GSTA5: variants seen among roughly 807,000 people sequenced by gnomAD.
GSTA5 encodes glutathione S-transferase A5.
A neutral mutation model predicts 21.8 loss-of-function variants in GSTA5; 25 were observed. The ratio of observed to expected loss-of-function variants is 1.14; its 90% CI spans 0.83 to 1.60. The LOEUF (loss-of-function observed/expected upper bound fraction) is 1.60. Among genes scored for constraint, GSTA5 ranks in the 40% most tolerant of loss-of-function variants. GSTA5 has a pLI of 0.00. For missense variants in GSTA5, 330 were observed against 259.2 expected (o/e 1.27, Z -1.88); for synonymous variants, 102 against 89.5 (o/e 1.14, Z -0.78).
Position 52,832,841 on chromosome 6 carries a change from G to T in GSTA5, c.546+18C>A, listed in dbSNP as rs770921807. 2 of 1,613,604 alleles carry T rather than the reference G, an allele frequency of 1.2e-6. No individual in the cohort carries two copies. The highest frequency in any genetic ancestry group is 3.3e-5 in the Admixed American group (2 of 59,998). On this transcript the variant is annotated intron_variant, in intron 5 of 5. Transcript: ENST00000370989. ...TAAGAGATGTGGGGCTGTCTCTCTG[G>T]GCTGTGAAATGGGTCACCTTCAGCA...
exon 3 of GSTA5, chr6:52,836,343 T>C (rs1186338932): frequency 6.2e-7 from 1 of 1,613,508 alleles, no homozygotes; most frequent in Admixed American, 1.7e-5. Flanking sequence ...CAACCATTGG[T>C]ACTTGCTGGA....
chr6:52,840,332 G>A (rs1035750601), intron 1 of GSTA5, among the ~76,000 whole-genome samples: 3 of 152,110 alleles, frequency 2.0e-5, no homozygotes, highest in African/African-American at 7.2e-5. Flanking sequence ...ATACTTCAAT[G>A]TGTTTTCCTA....
chr6:52,843,048 A>G (rs946227655), upstream of GSTA5, among the ~76,000 whole-genome samples: 6 of 152,174 alleles, frequency 3.9e-5, no homozygotes, highest in Non-Finnish European at 7.3e-5. Flanking sequence ...GATGGTTTCC[A>G]GCATCATCCA....
chr6:52,840,772 GC>G lies in GSTA5; in HGVS notation c.41del (p.Gly14AlafsTer15), dbSNP rs1273677137. ...GGAGCCACCGAATGGACTCCATACT[GC>G]CCCGTGCATTGGAGTAGTGGAGCTT... On this transcript the variant is annotated frameshift_variant, in exon 1 of 6. Coordinates refer to ENST00000370989, the Ensembl canonical transcript of GSTA5. LOFTEE classifies it high-confidence loss of function. The G allele has an allele frequency of 7.4e-6, 12 of 1,613,992 alleles. No individual in the cohort carries two copies. Among genetic ancestry groups the G allele is most frequent in the South Asian group, 1.1e-5 (1 of 91,082 alleles).
upstream of GSTA5, among the ~76,000 whole-genome samples, chr6:52,843,365 C>T (rs1764410066): frequency 6.6e-6 from 1 of 152,190 alleles, no homozygotes; most frequent in South Asian, 2.1e-4. Flanking sequence ...TACACTCCCA[C>T]CAACAGTGTA....
At chr6:52,836,440 T>C (rs2127324125) in intron 2 of GSTA5, 72 bp from the exon 3 acceptor site, 8 of 1,447,088 alleles carry the variant, frequency 5.5e-6, no homozygotes, top group Middle Eastern at 1.8e-4. Flanking sequence ...AAAAAATGGT[T>C]ATGGAAATGA....
chr6:52,833,965 G>A (rs1764254247), intron 4 of GSTA5, among the ~76,000 whole-genome samples, 176 bp downstream of exon 4: 1 of 152,152 alleles, frequency 6.6e-6, no homozygotes, highest in Non-Finnish European at 1.5e-5. Context: ...GGGTATAAGT[G>A]GTACAATTGT....
At chr6:52,834,363 G>T in intron 3 of GSTA5, 81 bp from the exon 4 acceptor site, 2 of 1,413,096 alleles carry the variant, frequency 1.4e-6, no homozygotes, top group South Asian at 2.7e-5. Flanking sequence ...GAAAATAGAG[G>T]GTCAGATGGT....
Position 52,839,526 on chromosome 6 carries a change from C to T in GSTA5, c.87+1201G>A, listed in dbSNP as rs918637136. ...AAAGTCCCAAGCCTTCGTGAAGCAA[C>T]GCACAAAGTACCGTTCCGAGGCTCA... On this transcript the variant is annotated intron_variant, in intron 1 of 5. Coordinates refer to ENST00000370989, the Ensembl canonical transcript of GSTA5. Among the ~76,000 whole-genome samples, 30 of 152,314 alleles carry T rather than the reference C, an allele frequency of 2.0e-4. 1 individual carries two copies. Among genetic ancestry groups the T allele is most frequent in the Admixed American group, 1.9e-3 (29 of 15,302 alleles).
upstream of GSTA5, among the ~76,000 whole-genome samples, chr6:52,844,236 A>G (rs575674717): frequency 6.6e-6 from 1 of 152,216 alleles, no homozygotes; most frequent in South Asian, 2.1e-4. Context: ...TTTCCACTCC[A>G]CCTCATAATC....
chr6:52,833,118 A>G (rs555716684), intron 4 of GSTA5, 128 bp from the exon 5 acceptor site: 7 of 1,045,674 alleles, frequency 6.7e-6, no homozygotes, highest in South Asian at 2.9e-5. Context: ...CAGAAATCCC[A>G]AGCTTTCTCC....
chr6:52,841,683 T>C (rs1163824995), upstream of GSTA5, among the ~76,000 whole-genome samples: 1 of 152,238 alleles, frequency 6.6e-6, no homozygotes, highest in Non-Finnish European at 1.5e-5. Context: ...ACGTCAGTCA[T>C]ACACTGGCCA....
chr6:52,837,735 G>C, intron 1 of GSTA5, 126 bp from the exon 2 acceptor site: 1 of 626,084 alleles, frequency 1.6e-6, no homozygotes, highest in Non-Finnish European at 2.8e-6. Flanking sequence ...AGGATATACA[G>C]AGGGGGCTGG....
At chr6:52,844,419 TTCTC>T (rs1419059057), upstream of GSTA5, among the ~76,000 whole-genome samples, 1 of 152,222 alleles carries the variant, frequency 6.6e-6, no homozygotes, top group African/African-American at 2.4e-5. Flanking sequence ...AAGTGTGTCT[TTCTC>T]TACTTTGACA....
chr6:52,843,777 A>G (rs1764416751), upstream of GSTA5, among the ~76,000 whole-genome samples: 1 of 152,170 alleles, frequency 6.6e-6, no homozygotes, highest in Admixed American at 6.5e-5. Context: ...ATTGTTATGG[A>G]CTAGAGTTCA....
At chr6:52,837,663 G>T in intron 1 of GSTA5, 54 bp from the exon 2 acceptor site, 1 of 1,309,576 alleles carries the variant, frequency 7.6e-7, no homozygotes, top group Non-Finnish European at 1.1e-6. Context: ...TTATAGACTT[G>T]TGATGTTGAA....
upstream of GSTA5, among the ~76,000 whole-genome samples, chr6:52,842,301 C>G (rs1764387587): frequency 6.6e-6 from 1 of 152,120 alleles, no homozygotes; most frequent in African/African-American, 2.4e-5. Context: ...CATATTCTCT[C>G]CAAACCCCCA....
chr6:52,842,406 C>CTT (rs3063633), upstream of GSTA5, among the ~76,000 whole-genome samples: 84,372 of 128,714 alleles, frequency 0.66, 28,864 homozygotes, highest in East Asian at 0.87. Context: ...TAATGTATTT[C>CTT]TTTTTTTTTT....
At chr6:52,835,856 C>T (rs111933516) in intron 3 of GSTA5, among the ~76,000 whole-genome samples, 13 of 152,168 alleles carry the variant, frequency 8.5e-5, no homozygotes, top group African/African-American at 3.1e-4. Flanking sequence ...CTTCCCTCCC[C>T]AGGCCTTCAT....
Sources: allele counts gnomAD v4.1 joint callset (sites outside exome capture counted in the v4.1 genomes callset), GRCh38; gene constraint gnomAD v4.1.1; transcripts MANE v1.5; gene names NCBI Gene and HGNC (gene_info 2026-07-23, HGNC 2026-07-21).